Variants in PTCD3 observed in about 807,000 individuals in gnomAD.
PTCD3 encodes the protein small ribosomal subunit protein mS39.
Under a neutral mutation model 101.9 loss-of-function variants are expected in PTCD3, and 89 were observed. That is an observed-to-expected ratio of 0.87 (90% CI 0.74 to 1.04). PTCD3 has a LOEUF of 1.04. Ranked by LOEUF, PTCD3 falls within the 50% of genes least tolerant of loss-of-function variation. The pLI is 0.00. For synonymous variants in PTCD3, 296 were observed against 278.5 expected (o/e 1.06, Z -0.63); for missense variants, 870 against 828.2 (o/e 1.05, Z -0.62).
chr2:86,112,681 CAAAAAAA>C (rs397953846), intron 4 of PTCD3, among the ~76,000 whole-genome samples: 1 of 81,310 alleles, frequency 1.2e-5, no homozygotes, highest in Non-Finnish European at 2.5e-5. Context: ...GACTCTGTCT[CAAAAAAA>C]AAAAAAAAAA....
intron 21 of PTCD3, 148 bp from the exon 22 acceptor site, chr2:86,136,373 G>C: frequency 4.0e-6 from 3 of 746,700 alleles, no homozygotes; most frequent in Non-Finnish European, 6.6e-6. Flanking sequence ...CTGGGAGCTA[G>C]TAGAGCCCAC....
rs756347704 is a variant in PTCD3 at position 86,124,951 on chromosome 2, G to C, written c.717-44G>C. The C allele has an allele frequency of 5.0e-6, 8 of 1,606,344 alleles. No homozygotes were observed. In the Admixed American group the frequency reaches 5.1e-5, roughly 10 times the overall value. ...CAGTAAATGGTGGTAGCTCTCATTGGTATTTCTTATTGCCTGGGTTCACAT... is the reference window on the plus strand; with the variant it reads ...CAGTAAATGGTGGTAGCTCTCATTGCTATTTCTTATTGCCTGGGTTCACAT... On this transcript the variant is annotated intron_variant, in intron 9 of 23. Coordinates refer to ENST00000254630, the MANE Select transcript of PTCD3 (RefSeq NM_017952.6).
intron 8 of PTCD3, among the ~76,000 whole-genome samples, chr2:86,122,300 G>A (rs530547191): frequency 3.3e-5 from 5 of 152,310 alleles, no homozygotes; most frequent in Non-Finnish European, 7.4e-5. Context: ...TTGTAAAAAT[G>A]TTTTTACAAA....
At position 86,139,675 on chromosome 2, in the gene PTCD3, T is replaced by C. The variant is rs1016548341; in HGVS notation, c.*2116T>C. 6.6e-6 allele frequency: 1 copy of C among 152,116 alleles called. No individual in the cohort carries two copies. The highest frequency in any genetic ancestry group is 1.5e-5 in the Non-Finnish European group (1 of 68,100). 9.4% of individuals were successfully genotyped at this position (152,116 alleles called of 1,614,324 possible). On this transcript the variant is annotated 3_prime_UTR_variant, in exon 24 of 24. Transcript: ENST00000254630. ...ATAATTAGTTGGGCGTAGTGGTGCA[T>C]GCCTGTAATCCCAGCTACTCTGGAG...
intron 6 of PTCD3, among the ~76,000 whole-genome samples, chr2:86,117,749 C>G (rs1373133333): frequency 6.6e-6 from 1 of 152,102 alleles, no homozygotes; most frequent in Non-Finnish European, 1.5e-5. Flanking sequence ...GTGTAAGCCA[C>G]TGCTGCTTGC....
In PTCD3 at chr2:86,141,954, G is replaced by GAGTT. The variant is rs1221475911; in HGVS notation, c.*4397_*4400dup. The GAGTT allele has an allele frequency of 1.3e-5, 2 of 152,014 alleles. No homozygotes were observed. Among genetic ancestry groups the GAGTT allele is most frequent in the African/African-American group, 4.8e-5 (2 of 41,278 alleles). The allele number at this position is 152,014 out of a possible 1,614,324, so 9.4% of individuals were successfully genotyped here. On this transcript the variant is annotated 3_prime_UTR_variant, in exon 24 of 24. Coordinates refer to ENST00000254630, the MANE Select transcript of PTCD3 (RefSeq NM_017952.6). ...TCCGCTGCTTTTTGCACATGTTACT[G>GAGTT]AGTTACATCTCAGGAAGATTTTTAA...
intron 1 of PTCD3, 67 bp from the exon 2 acceptor site, chr2:86,108,283 C>A: frequency 6.5e-7 from 1 of 1,541,528 alleles, no homozygotes; most frequent in Non-Finnish European, 8.8e-7. Context: ...TCAAAGTACA[C>A]ATAGGTGGAG....
chr2:86,132,082 A>T (rs958656876), intron 16 of PTCD3, among the ~76,000 whole-genome samples: 5 of 152,222 alleles, frequency 3.3e-5, no homozygotes, highest in African/African-American at 1.2e-4. Context: ...GCACTTGACC[A>T]GGTGTTGTTA....
rs1356501848 is a variant in PTCD3 at position 86,137,584 on chromosome 2, G to GCT, written c.*25_*26insCT. ...AAAGTGGAGATTCAGGAGCAGCAAT[G>GCT]GGTCTCACCATAGCTGCTGGAATCA... On this transcript the variant is annotated 3_prime_UTR_variant, in exon 24 of 24. Coordinates refer to ENST00000254630, the MANE Select transcript of PTCD3 (RefSeq NM_017952.6). 8 of 16,010 alleles carry GCT rather than the reference G, an allele frequency of 5.0e-4. 1 individual carries two copies. The South Asian group carries it at 7.4e-3, about 15-fold the overall frequency. The allele number at this position is 16,010 out of a possible 1,614,324, so 1.0% of individuals were successfully genotyped here. A position where few individuals can be genotyped will look rare whatever the true frequency, so the allele number is the denominator to read the frequency against.
Position 86,116,526 on chromosome 2 carries a change from A to G in PTCD3, c.241-4A>G. The G allele has an allele frequency of 1.9e-6, 3 of 1,603,680 alleles. No individual in the cohort carries two copies. Among genetic ancestry groups the G allele is most frequent in the Non-Finnish European group, 2.6e-6 (3 of 1,170,740 alleles). ...ATAGAAATTGTATTATGTCTTTTCC[A>G]CAGGATACCACAGCTGTGCCTTATG... On this transcript the variant is annotated splice_polypyrimidine_tract_variant and splice_region_variant and intron_variant, in intron 4 of 23. Coordinates refer to ENST00000254630, the MANE Select transcript of PTCD3 (RefSeq NM_017952.6).
In PTCD3 at chr2:86,109,464, C is replaced by T. The variant is rs563607527; in HGVS notation, c.194+928C>T. The stretch of plus-strand genomic sequence containing the variant: ...AGACTTTTTTAAGAACTTTATTAAT[C>T]TGAACTGTGTGATTATTTTAGGGAG... On this transcript the variant is annotated intron_variant, in intron 3 of 23. Transcript: ENST00000254630. Among the ~76,000 whole-genome samples, 10 of 151,838 alleles carry T rather than the reference C, an allele frequency of 6.6e-5. No individual in the cohort carries two copies. In the East Asian group the frequency reaches 1.7e-3, roughly 26 times the overall value.
chr2:86,127,116 G>GATTA (rs767887768), intron 12 of PTCD3, 45 bp from the exon 13 acceptor site: 1 of 1,547,068 alleles, frequency 6.5e-7, no homozygotes, highest in Non-Finnish European at 8.8e-7. Flanking sequence ...TTATTGGACA[G>GATTA]ATTACCCAGG....
chr2:86,121,559 T>G lies in PTCD3; in HGVS notation c.619T>G (p.Tyr207Asp), dbSNP rs780085940. 1 of 1,610,726 alleles carries G rather than the reference T, an allele frequency of 6.2e-7. No homozygotes were observed. The highest frequency in any genetic ancestry group is 8.5e-7 in the Non-Finnish European group (1 of 1,178,556). ...TGGTGACCAGGAGCCCTCAACTGAT[T>G]ACCATTTTCAACAAACTGGACAGTC... ...YYGDQEPSTD[Y>D]HFQQTGQSEA... Residue 207 changes from tyrosine to aspartate, a missense_variant, in exon 8 of 24, where the codon TAC (tyrosine) becomes GAC (aspartate). Coordinates refer to ENST00000254630, the MANE Select transcript of PTCD3 (RefSeq NM_017952.6).
chr2:86,132,323 ATC>A lies in PTCD3; in HGVS notation c.1277_1278del (p.Leu426GlnfsTer25), dbSNP rs766935477. On this transcript the variant is annotated frameshift_variant, in exon 17 of 24. Coordinates refer to ENST00000254630, the MANE Select transcript of PTCD3 (RefSeq NM_017952.6). LOFTEE classifies it high-confidence loss of function. ...FFQSAMSICSSLRDLELAYQV... is the reference protein window; with the variant it reads ...FFQSAMSICSXLRDLELAYQV... ...TACTACTTGCATATTTTCAGTGCTC[ATC>A]TCTCAGAGATCTAGAACTTGCCTAC... 14 of 1,587,162 alleles carry A rather than the reference ATC, an allele frequency of 8.8e-6. No individual in the cohort carries two copies. Among genetic ancestry groups the A allele is most frequent in the Non-Finnish European group, 5.2e-6 (6 of 1,157,802 alleles).
Position 86,121,565 on chromosome 2 carries a change from T to G in PTCD3, c.625T>G (p.Phe209Val), listed in dbSNP as rs1174280933. 6.2e-7 allele frequency: 1 copy of G among 1,610,452 alleles called. No individual in the cohort carries two copies. Among genetic ancestry groups the G allele is most frequent in the Non-Finnish European group, 8.5e-7 (1 of 1,178,236 alleles). ...GDQEPSTDYH[F>V]QQTGQSEALE... is the part of the protein sequence containing the mutation. ...CCAGGAGCCCTCAACTGATTACCAT[T>G]TTCAACAAACTGGACAGTCAGAAGC... The change falls in exon 8 of 24, where the codon TTT becomes GTT. Residue 209 changes from phenylalanine (F) to valine (V), a missense_variant. By Grantham distance (50) the Phe-to-Val change is conservative (BLOSUM62 -1). Transcript: ENST00000254630.
chr2:86,114,090 T>G (rs966366620), intron 4 of PTCD3, among the ~76,000 whole-genome samples: 1 of 152,136 alleles, frequency 6.6e-6, no homozygotes, highest in Admixed American at 6.6e-5. Flanking sequence ...TTGTGACTTA[T>G]CTGGCCCTTA....
chr2:86,136,742 C>T (rs1013600613), intron 22 of PTCD3, 180 bp downstream of exon 22: 1 of 799,366 alleles, frequency 1.3e-6, no homozygotes, highest in African/African-American at 1.7e-5. Context: ...GACGGATCAT[C>T]ATACATTGGG....
At chr2:86,123,090 C>T (rs113397863) in intron 8 of PTCD3, among the ~76,000 whole-genome samples, 4,807 of 151,738 alleles carry the variant, frequency 0.032, 145 homozygotes, top group East Asian at 0.15. Context: ...AAATCCCGTC[C>T]CTACTAAAAA....
chr2:86,110,874 G>T, intron 3 of PTCD3: 1 of 721,490 alleles, frequency 1.4e-6, no homozygotes, highest in African/African-American at 1.8e-5. Flanking sequence ...ACTAGCCCTG[G>T]GTTATGGCAT....
Sources: gnomAD v4.1 joint callset for allele counts (sites outside exome capture counted in the v4.1 genomes callset) on GRCh38, gnomAD v4.1.1 for gene constraint, MANE v1.5 for transcripts, NCBI Gene and HGNC (gene_info 2026-07-23, HGNC 2026-07-21) for gene names.